The following LPP variants were observed in gnomAD, a reference collection of about 807,000 sequenced individuals.
LPP encodes the protein LIM domain containing preferred translocation partner in lipoma.
A neutral mutation model predicts 60.4 loss-of-function variants in LPP; 38 were observed. The ratio of observed to expected loss-of-function variants is 0.63; its 90% confidence interval spans 0.49 to 0.83. The LOEUF (loss-of-function observed/expected upper bound fraction) is 0.83, where lower values mean the gene tolerates loss of function less well. Ranked by LOEUF, LPP falls within the 40% of genes least tolerant of loss-of-function variation. The pLI is 0.00. For synonymous variants in LPP, 328 were observed against 290.8 expected, an observed-to-expected ratio of 1.13 and a Z score of -1.30; for missense variants, 902 against 783.6, an observed-to-expected ratio of 1.15 and a Z score of -1.80.
chr3:188,219,941 T>A (rs906024178), intron 1 of LPP, among the ~76,000 whole-genome samples: 1 of 152,222 alleles, frequency 6.6e-6, no homozygotes, highest in Non-Finnish European at 1.5e-5. Flanking sequence ...GATCACCACC[T>A]GCTCTCCCAT....
intron 2 of LPP, among the ~76,000 whole-genome samples, chr3:188,281,231 G>A (rs751104440): frequency 9.2e-5 from 14 of 152,072 alleles, no homozygotes; most frequent in Non-Finnish European, 1.6e-4. Flanking sequence ...TTTTACATAT[G>A]TATGGATAAG....
chr3:188,469,574 C>T (rs902243661), intron 4 of LPP, among the ~76,000 whole-genome samples: 2 of 152,176 alleles, frequency 1.3e-5, no homozygotes, highest in Admixed American at 6.5e-5. Context: ...AGTACTACCC[C>T]GAGGCTCCGT....
At chr3:188,300,608 A>G (rs1048952452) in intron 2 of LPP, among the ~76,000 whole-genome samples, 1 of 152,180 alleles carries the variant, frequency 6.6e-6, no homozygotes, top group African/African-American at 2.4e-5. Flanking sequence ...TAATTTGTAG[A>G]AAATTCTGAC....
intron 3 of LPP, among the ~76,000 whole-genome samples, chr3:188,373,129 G>A (rs57494660): frequency 2.0e-5 from 3 of 151,774 alleles, no homozygotes; most frequent in Admixed American, 6.6e-5. Flanking sequence ...GGGTTGGTTC[G>A]AAGTCTTTGC....
intron 4 of LPP, among the ~76,000 whole-genome samples, chr3:188,418,803 G>T (rs2149007405): frequency 6.6e-6 from 1 of 152,210 alleles, no homozygotes; most frequent in African/African-American, 2.4e-5. Context: ...TATTTGACAA[G>T]ACCTTTGGAA....
At chr3:188,741,480 G>A (rs894284236) in intron 8 of LPP, among the ~76,000 whole-genome samples, 3 of 151,560 alleles carry the variant, frequency 2.0e-5, no homozygotes, top group African/African-American at 7.3e-5. Context: ...AAAGGATTCT[G>A]TTGTACATGT....
chr3:188,624,775 TCC>T, intron 7 of LPP, among the ~76,000 whole-genome samples: 1 of 86,488 alleles, frequency 1.2e-5, no homozygotes, highest in Non-Finnish European at 2.7e-5. Context: ...TCTCCTTCCT[TCC>T]TTTTCCTTCC....
At position 188,888,015 on chromosome 3, in the gene LPP, A is replaced by T; in HGVS notation, c.*13536A>T. On this transcript the variant is annotated 3_prime_UTR_variant, in exon 12 of 12. Transcript: ENST00000617246. ...ACACTTGATTGTCTGATTATTTGGCATGTATAAAATTATCATGTGGCTTAA... is the reference window on the plus strand; with the variant it reads ...ACACTTGATTGTCTGATTATTTGGCTTGTATAAAATTATCATGTGGCTTAA... 1 of 213,548 alleles carries T rather than the reference A, an allele frequency of 4.7e-6. No homozygotes were observed. Among genetic ancestry groups the T allele is most frequent in the Non-Finnish European group, 9.5e-6 (1 of 105,598 alleles). The allele number at this position is 213,548 out of a possible 1,614,324, so 13.2% of individuals were successfully genotyped here. A position where few individuals can be genotyped will look rare whatever the true frequency, so the allele number is the denominator to read the frequency against.
chr3:188,805,220 G>A (rs1225267940), intron 9 of LPP, among the ~76,000 whole-genome samples: 3 of 151,968 alleles, frequency 2.0e-5, no homozygotes, highest in African/African-American at 7.2e-5. Context: ...AAAAGGAATT[G>A]ATGAGTTCCT....
chr3:188,372,463 T>G (rs1407380158), intron 3 of LPP, among the ~76,000 whole-genome samples: 1 of 152,090 alleles, frequency 6.6e-6, no homozygotes, highest in African/African-American at 2.4e-5. Context: ...AGCGTTGAGC[T>G]TCCTACTGGA....
intron 7 of LPP, among the ~76,000 whole-genome samples, chr3:188,637,537 T>G (rs367655845): frequency 0.085 from 11,696 of 137,570 alleles, 614 homozygotes; most frequent in Non-Finnish European, 0.1. Context: ...AGGAAATAGA[T>G]ACATAAAAAA....
chr3:188,192,695 G>A (rs565223353), intron 1 of LPP, among the ~76,000 whole-genome samples: 16 of 152,280 alleles, frequency 1.1e-4, no homozygotes, highest in African/African-American at 3.6e-4. Context: ...TGACTACAAA[G>A]TCTGAACGTT....
rs1035498454 is a variant in LPP at position 188,848,312 on chromosome 3, A to G, written c.1411-17888A>G. 3.9e-5 allele frequency among the ~76,000 whole-genome samples: 6 copies of G among 152,196 alleles called. No homozygotes were observed. The East Asian group carries it at 1.2e-3, about 29-fold the overall frequency. On this transcript the variant is annotated intron_variant, in intron 9 of 11. Coordinates refer to ENST00000617246, the MANE Select transcript of LPP (RefSeq NM_001375462.1). ...TAGAGCTGAACTGGCTGCAGCTCCA[A>G]TGAGAGGCAATTGCTTGAGAACTGT...
chr3:188,560,856 C>T (rs1273847477), intron 6 of LPP, among the ~76,000 whole-genome samples: 2 of 151,982 alleles, frequency 1.3e-5, no homozygotes, highest in East Asian at 3.9e-4. Flanking sequence ...TTCATTTATT[C>T]ATTAGTATTG....
At chr3:188,381,076 G>T (rs1776753478) in intron 3 of LPP, among the ~76,000 whole-genome samples, 1 of 152,146 alleles carries the variant, frequency 6.6e-6, no homozygotes, top group African/African-American at 2.4e-5. Context: ...ATAGGCTCTG[G>T]AGTTGATGGA....
intron 6 of LPP, among the ~76,000 whole-genome samples, chr3:188,553,450 A>G (rs1828695207): frequency 6.6e-6 from 1 of 152,166 alleles, no homozygotes; most frequent in Non-Finnish European, 1.5e-5. Flanking sequence ...CCGCACATTG[A>G]GCTCGTGCAT....
intron 2 of LPP, among the ~76,000 whole-genome samples, chr3:188,245,953 T>C (rs985583548): frequency 2.6e-5 from 4 of 152,226 alleles, no homozygotes; most frequent in African/African-American, 9.6e-5. Flanking sequence ...AAAATTTCTG[T>C]TTCTTGACTG....
intron 9 of LPP, among the ~76,000 whole-genome samples, chr3:188,769,725 A>G (rs1735259163): frequency 6.6e-6 from 1 of 152,168 alleles, no homozygotes. Context: ...TCAAAGAACT[A>G]CTTTCTTTGG....
At chr3:188,796,634 T>A (rs765141411) in intron 9 of LPP, among the ~76,000 whole-genome samples, 1 of 152,202 alleles carries the variant, frequency 6.6e-6, no homozygotes, top group Non-Finnish European at 1.5e-5. Flanking sequence ...AAACCATGTT[T>A]AGTTAAGAAC....
Sources: allele counts gnomAD v4.1 joint callset (sites outside exome capture counted in the v4.1 genomes callset), GRCh38; gene constraint gnomAD v4.1.1; transcripts MANE v1.5; gene names NCBI Gene and HGNC (gene_info 2026-07-23, HGNC 2026-07-21).